The following CCDC112 variants were observed in gnomAD, a reference collection of about 807,000 sequenced individuals.
CCDC112 encodes the protein coiled-coil domain-containing protein 112.
CCDC112 carries 40 observed loss-of-function variants against 66.3 expected under a neutral mutation model. The ratio of observed to expected loss-of-function variants is 0.60; its 90% confidence interval spans 0.47 to 0.79. The LOEUF (loss-of-function observed/expected upper bound fraction) is 0.79. Among genes scored for constraint, CCDC112 ranks in the 30% least tolerant of loss-of-function variants. CCDC112 has a pLI of 0.00. For missense variants in CCDC112, 659 were observed against 603.8 expected, an observed-to-expected ratio of 1.09 and a Z score of -0.96; for synonymous variants, 214 against 197.2, an observed-to-expected ratio of 1.09 and a Z score of -0.71.
chr5:115,288,993 C>CT (rs34023512), intron 1 of CCDC112: 5,020 of 250,520 alleles, frequency 0.02, 2 homozygotes, highest in South Asian at 0.035. Flanking sequence ...GATTGGCTTC[C>CT]TTTTTTTTTT....
Position 115,296,418 on chromosome 5 carries a change from C to T in CCDC112, c.117+9G>A, listed in dbSNP as rs746436105. Reference sequence around the variant, plus strand: ...CCGCCAGAGCAGCTCTCGGTTCTCCCGGATTTACCTGTTGAGGCGCTGGCG... The same window carrying T: ...CCGCCAGAGCAGCTCTCGGTTCTCCTGGATTTACCTGTTGAGGCGCTGGCG... On this transcript the variant is annotated intron_variant, in intron 1 of 9. Transcript: ENST00000379611. The T allele has an allele frequency of 1.7e-5, 26 of 1,566,884 alleles. No homozygotes were observed. The highest frequency in any genetic ancestry group is 7.1e-5 in the African/African-American group (5 of 70,894).
At chr5:115,271,099 C>T in intron 7 of CCDC112, 114 bp downstream of exon 7, 4 of 911,466 alleles carry the variant, frequency 4.4e-6, no homozygotes, top group Non-Finnish European at 6.6e-6. Flanking sequence ...TTTTGGTATA[C>T]TAATGCTATA....
intron 1 of CCDC112, among the ~76,000 whole-genome samples, chr5:115,295,492 G>A (rs987454652): frequency 5.3e-5 from 8 of 152,134 alleles, no homozygotes; most frequent in African/African-American, 1.7e-4. Context: ...TTTCCTGAAG[G>A]TCTACGAGTA....
rs1748993644 is a variant in CCDC112 at position 115,271,450 on chromosome 5, T to C, written c.1095A>G (p.Lys365=). 1 of 1,612,106 alleles carries C rather than the reference T, an allele frequency of 6.2e-7. No homozygotes were observed. The highest frequency in any genetic ancestry group is 1.3e-5 in the African/African-American group (1 of 74,862). Residue 365 remains lysine, a synonymous_variant, in exon 7 of 10, where the codon AAA becomes AAG. Transcript: ENST00000379611. ...KLAVEAWKKQ[K]SIEMSMKCAS... ...CACATTTCATTGACATTTCTATACT[T>C]TTCTGTTTCTTCCAAGCTTCAACTG... is the stretch of plus-strand genomic sequence containing the variant.
In CCDC112 at chr5:115,295,597, T is replaced by C. The variant is rs779225749; in HGVS notation, c.117+830A>G. Among the ~76,000 whole-genome samples the C allele has an allele frequency of 3.3e-5, 5 of 152,234 alleles. No individual in the cohort carries two copies. In the East Asian group the frequency reaches 9.7e-4, roughly 29 times the overall value. ...GGTTTATATTGATCCACAAATTATT[T>C]AGTAAGTGCATACTACGTTCCAGGC... On this transcript the variant is annotated intron_variant, in intron 1 of 9. Transcript: ENST00000379611.
intron 2 of CCDC112, among the ~76,000 whole-genome samples, chr5:115,281,351 A>G (rs1431342649): frequency 6.6e-6 from 1 of 152,172 alleles, no homozygotes; most frequent in Non-Finnish European, 1.5e-5. Context: ...TAATATTCAT[A>G]AGACACATGG....
chr5:115,285,020 G>A, intron 1 of CCDC112, 112 bp from the exon 2 acceptor site: 1 of 942,814 alleles, frequency 1.1e-6, no homozygotes, highest in Non-Finnish European at 1.6e-6. Flanking sequence ...GGATAATTTT[G>A]GGGCCAATCT....
At chr5:115,275,873 T>G (rs1012984719) in intron 5 of CCDC112, 121 bp downstream of exon 5, 1 of 761,294 alleles carries the variant, frequency 1.3e-6, no homozygotes, top group Non-Finnish European at 2.1e-6. Flanking sequence ...AGATATTATA[T>G]TGCTTTTGTA....
intron 1 of CCDC112, 83 bp downstream of exon 1, chr5:115,296,344 G>C: frequency 7.1e-7 from 1 of 1,399,870 alleles, no homozygotes; most frequent in Non-Finnish European, 9.2e-7. Context: ...GCCTCCCGCC[G>C]GCGCTGCAGA....
intron 1 of CCDC112, among the ~76,000 whole-genome samples, chr5:115,290,335 A>G (rs1322088664): frequency 2.0e-5 from 3 of 152,148 alleles, no homozygotes; most frequent in Non-Finnish European, 4.4e-5. Context: ...CTATATGTCT[A>G]TTGTCTATCC....
chr5:115,291,932 G>A (rs1238672729), intron 1 of CCDC112, among the ~76,000 whole-genome samples: 1 of 151,976 alleles, frequency 6.6e-6, no homozygotes, highest in Non-Finnish European at 1.5e-5. Flanking sequence ...AAGACTTTTT[G>A]TCCATATTTA....
chr5:115,285,459 C>A (rs772540853), intron 1 of CCDC112, among the ~76,000 whole-genome samples: 36 of 152,196 alleles, frequency 2.4e-4, no homozygotes, highest in Non-Finnish European at 3.8e-4. Context: ...AAGATTGAAG[C>A]CAGCCATGAC....
intron 1 of CCDC112, among the ~76,000 whole-genome samples, chr5:115,291,628 C>T (rs1413817704): frequency 6.6e-6 from 1 of 151,966 alleles, no homozygotes; most frequent in Non-Finnish European, 1.5e-5. Context: ...CATTATTCTT[C>T]ATGTGGATTC....
intron 6 of CCDC112, among the ~76,000 whole-genome samples, chr5:115,273,946 G>A (rs1749101354): frequency 6.6e-6 from 1 of 152,104 alleles, no homozygotes; most frequent in African/African-American, 2.4e-5. Flanking sequence ...TGGGGGGAGG[G>A]AGGAGAATGA....
In CCDC112 at chr5:115,271,206, T is replaced by A. The variant is rs1197669924; in HGVS notation, c.1332+7A>T. The A allele has an allele frequency of 6.4e-7, 1 of 1,570,724 alleles. No individual in the cohort carries two copies. The highest frequency in any genetic ancestry group is 2.1e-5 in the Admixed American group (1 of 47,528). On this transcript the variant is annotated splice_region_variant and intron_variant, in intron 7 of 9. Coordinates refer to ENST00000379611, the MANE Select transcript of CCDC112 (RefSeq NM_001040440.3). ...TTAAAAATTATTTAGGAAATAGATT[T>A]ACTCACTCTTTCTTGAAATCTGGAA...
intron 1 of CCDC112, chr5:115,295,932 C>T (rs952850000): frequency 3.0e-6 from 3 of 985,610 alleles, no homozygotes; most frequent in African/African-American, 3.5e-5. Context: ...ACCTAGAAAG[C>T]GGTCCTAAGC....
chr5:115,290,571 T>C (rs1749878743), intron 1 of CCDC112, among the ~76,000 whole-genome samples: 1 of 152,196 alleles, frequency 6.6e-6, no homozygotes, highest in African/African-American at 2.4e-5. Flanking sequence ...GTAAATCAAT[T>C]TGGGGATTAT....
Position 115,296,594 on chromosome 5 carries a change from T to G in CCDC112, c.-51A>C, listed in dbSNP as rs1341756082. Reference sequence around the variant, plus strand: ...GCGGCGGCCACCGGTGCCTGGGGATTCGTGGCAGGCGCACCCTGGCCTCTG... The same window carrying G: ...GCGGCGGCCACCGGTGCCTGGGGATGCGTGGCAGGCGCACCCTGGCCTCTG... On this transcript the variant is annotated 5_prime_UTR_variant, in exon 1 of 10. Transcript: ENST00000379611. 3 of 1,415,424 alleles carry G rather than the reference T, an allele frequency of 2.1e-6. No homozygotes were observed. The highest frequency in any genetic ancestry group is 3.1e-5 in the South Asian group (2 of 64,714). The allele number at this position is 1,415,424 out of a possible 1,614,324, so 87.7% of individuals were successfully genotyped here.
At chr5:115,291,929 T>C (rs1376772050) in intron 1 of CCDC112, among the ~76,000 whole-genome samples, 2 of 152,194 alleles carry the variant, frequency 1.3e-5, no homozygotes, top group African/African-American at 4.8e-5. Context: ...TTCAAGACTT[T>C]TTGTCCATAT....
Sources: allele counts gnomAD v4.1 joint callset (sites outside exome capture counted in the v4.1 genomes callset), GRCh38; gene constraint gnomAD v4.1.1; transcripts MANE v1.5; gene names NCBI Gene and HGNC (gene_info 2026-07-23, HGNC 2026-07-21).